The following RFFL variants were observed in gnomAD, a reference collection of about 807,000 sequenced individuals.
RFFL encodes the protein E3 ubiquitin-protein ligase rififylin.
Under a neutral mutation model 40.4 loss-of-function variants are expected in RFFL, and 16 were observed. The observed-to-expected ratio is 0.40, with a 90% confidence interval of 0.27 to 0.60. RFFL has a LOEUF of 0.60. Among genes scored for constraint, RFFL ranks in the 20% least tolerant of loss-of-function variants. The probability of loss-of-function intolerance (pLI) is 0.47; values close to 1 mark genes in which losing one functional copy is unlikely to be tolerated. For synonymous variants in RFFL, 154 were observed against 167.9 expected (o/e 0.92, Z 0.64); for missense variants, 367 against 451.7 (o/e 0.81, Z 1.70).
chr17:35,020,275 C>G (rs1258463165), intron 3 of RFFL, among the ~76,000 whole-genome samples: 2 of 151,942 alleles, frequency 1.3e-5, no homozygotes, highest in Non-Finnish European at 2.9e-5. Context: ...AACCCCTGGG[C>G]CACAGACTGG....
chr17:35,032,724 T>C (rs909023301), intron 1 of RFFL, among the ~76,000 whole-genome samples: 7 of 151,920 alleles, frequency 4.6e-5, no homozygotes, highest in African/African-American at 1.7e-4. Flanking sequence ...TTAGATGGTC[T>C]GGGTCAGAAG....
intron 1 of RFFL, among the ~76,000 whole-genome samples, chr17:35,039,071 A>G (rs1031775541): frequency 1.3e-5 from 2 of 151,256 alleles, no homozygotes; most frequent in African/African-American, 4.9e-5. Flanking sequence ...ACCACACCTA[A>G]TTTTTTGTAT....
chr17:35,047,751 C>CT (rs34382647), intron 1 of RFFL, among the ~76,000 whole-genome samples: 4,202 of 138,336 alleles, frequency 0.03, 195 homozygotes, highest in African/African-American at 0.1. Flanking sequence ...CCATGCCCAG[C>CT]TTTTTTTTTT....
upstream of RFFL, among the ~76,000 whole-genome samples, chr17:35,067,020 G>T (rs1169367942): frequency 6.6e-6 from 1 of 151,682 alleles, no homozygotes; most frequent in Non-Finnish European, 1.5e-5. Context: ...GGGTACTTAA[G>T]AATCAACAGG....
At chr17:35,016,946 G>C (rs535313030) in intron 4 of RFFL, among the ~76,000 whole-genome samples, 1 of 152,114 alleles carries the variant, frequency 6.6e-6, no homozygotes, top group African/African-American at 2.4e-5. Context: ...CTCTGAGCCC[G>C]TTTGCCCCTC....
intron 1 of RFFL, among the ~76,000 whole-genome samples, chr17:35,080,476 T>C (rs1160119278): frequency 6.6e-6 from 1 of 152,160 alleles, no homozygotes; most frequent in Non-Finnish European, 1.5e-5. Flanking sequence ...GTACCAAGAC[T>C]GGAAAGATTT....
chr17:35,058,673 A>G (rs2091274082), intron 1 of RFFL, among the ~76,000 whole-genome samples: 1 of 152,158 alleles, frequency 6.6e-6, no homozygotes, highest in African/African-American at 2.4e-5. Flanking sequence ...CAGGAGGCTG[A>G]GGCAAGAGAA....
chr17:35,013,118 T>C (rs1209091210), intron 6 of RFFL, among the ~76,000 whole-genome samples: 1 of 152,242 alleles, frequency 6.6e-6, no homozygotes, highest in East Asian at 1.9e-4. Context: ...CCTCTTGTTA[T>C]TTTCATTTTA....
chr17:35,014,625 CCT>C (rs2090961893), intron 6 of RFFL, 113 bp downstream of exon 6: 5 of 985,990 alleles, frequency 5.1e-6, no homozygotes, highest in Admixed American at 1.8e-5. Context: ...TCCCACACAC[CCT>C]CTCTCTGGGG....
exon 1 of RFFL, chr17:35,089,221 G>A (rs1276378562): frequency 6.6e-6 from 1 of 151,940 alleles, no homozygotes; most frequent in Admixed American, 6.6e-5. Context: ...CGGCGTCTCT[G>A]GGGCTGAGGG....
chr17:35,025,554 T>G (rs928367914), intron 2 of RFFL, among the ~76,000 whole-genome samples: 2 of 152,272 alleles, frequency 1.3e-5, no homozygotes, highest in East Asian at 3.8e-4. Context: ...CCTTTGCACA[T>G]AGCAGATGGT....
upstream of RFFL, among the ~76,000 whole-genome samples, chr17:35,065,293 C>T (rs538413613): frequency 1.4e-4 from 21 of 152,204 alleles, no homozygotes; most frequent in Non-Finnish European, 2.6e-4. Flanking sequence ...CAGCGGTTCA[C>T]GCCTATAATT....
At chr17:35,062,231 T>C (rs992941012) in intron 1 of RFFL, among the ~76,000 whole-genome samples, 4 of 151,826 alleles carry the variant, frequency 2.6e-5, no homozygotes, top group Non-Finnish European at 2.9e-5. Context: ...GGTGAAACAC[T>C]GTCTCTACTA....
chr17:35,042,636 C>G (rs1316304701), intron 1 of RFFL, among the ~76,000 whole-genome samples: 1 of 151,928 alleles, frequency 6.6e-6, no homozygotes, highest in Non-Finnish European at 1.5e-5. Context: ...CCAGCCCAGC[C>G]AACATGGTGA....
intron 1 of RFFL, among the ~76,000 whole-genome samples, chr17:35,047,245 C>T (rs1014806374): frequency 2.6e-5 from 4 of 151,990 alleles, no homozygotes; most frequent in Non-Finnish European, 5.9e-5. Flanking sequence ...TCCAATGCAC[C>T]GGGAAAAGAA....
Position 35,016,638 on chromosome 17 carries a change from C to T in RFFL, c.676-58G>A, listed in dbSNP as rs371087582. 2.9e-4 allele frequency: 405 copies of T among 1,396,942 alleles called. 1 individual carries two copies. In the African/African-American group the frequency reaches 5.4e-3, roughly 19 times the overall value. The allele number at this position is 1,396,942 out of a possible 1,614,324, so 86.5% of individuals were successfully genotyped here. On this transcript the variant is annotated intron_variant, in intron 4 of 6. Coordinates refer to ENST00000394597, the MANE Select transcript of RFFL (RefSeq NM_001017368.2). ...GCTCTTACCTCCCCAAGCTCTTTCTCCAAGGACCCCAAAGCAGTCACCACA... is the reference window on the plus strand; with the variant it reads ...GCTCTTACCTCCCCAAGCTCTTTCTTCAAGGACCCCAAAGCAGTCACCACA...
At chr17:35,026,953 C>T (rs980801312) in intron 1 of RFFL, among the ~76,000 whole-genome samples, 2 of 152,188 alleles carry the variant, frequency 1.3e-5, no homozygotes, top group Non-Finnish European at 2.9e-5. Context: ...CGGCCCACTT[C>T]GGCCTCCCAA....
At chr17:35,036,527 G>C (rs1474452539) in intron 1 of RFFL, 1 of 152,178 alleles carries the variant, frequency 6.6e-6, no homozygotes, top group Non-Finnish European at 1.5e-5. Context: ...CCCTAAAAGG[G>C]AGAAAAATGG....
chr17:35,026,155 A>G (rs1314298431), intron 2 of RFFL, among the ~76,000 whole-genome samples: 1 of 152,252 alleles, frequency 6.6e-6, no homozygotes, highest in African/African-American at 2.4e-5. Flanking sequence ...CAACGCTGAT[A>G]ACTGAATTTA....
Sources: gnomAD v4.1 joint callset for allele counts (sites outside exome capture counted in the v4.1 genomes callset) on GRCh38, gnomAD v4.1.1 for gene constraint, MANE v1.5 for transcripts, NCBI Gene and HGNC (gene_info 2026-07-23, HGNC 2026-07-21) for gene names.